The following PLCB2 variants were observed in gnomAD, a reference collection of about 807,000 sequenced individuals.
PLCB2 encodes the protein 1-phosphatidylinositol 4,5-bisphosphate phosphodiesterase beta-2.
In PLCB2, 115 loss-of-function variants were observed where a neutral mutation model predicts 141.7. The observed-to-expected ratio is 0.81, with a 90% CI of 0.70 to 0.95. PLCB2 has a LOEUF of 0.95. Ranked by LOEUF, PLCB2 falls within the 40% of genes least tolerant of loss-of-function variation. The probability of loss-of-function intolerance (pLI) is 0.00; values close to 1 mark genes in which losing one functional copy is unlikely to be tolerated. For synonymous variants in PLCB2, 603 were observed against 595.6 expected (o/e 1.01, Z -0.18); for missense variants, 1,403 against 1,541.1 (o/e 0.91, Z 1.50).
At chr15:40,299,328 G>A (rs900078583) in intron 7 of PLCB2, 100 bp from the exon 8 acceptor site, 19 of 757,636 alleles carry the variant, frequency 2.5e-5, no homozygotes, top group Admixed American at 4.3e-5. Context: ...GTCAGAAGGC[G>A]GGCTCAAGGC....
At chr15:40,289,107 C>T (rs999591855) in intron 31 of PLCB2, 165 bp downstream of exon 31, 10 of 1,015,842 alleles carry the variant, frequency 9.8e-6, no homozygotes, top group East Asian at 5.1e-5. Flanking sequence ...CCTAACCAGG[C>T]GGAGATCTGC....
In PLCB2 at chr15:40,292,388, C is replaced by G. The variant is rs779878465; in HGVS notation, c.2382G>C (p.Ala794=). 1.3e-5 allele frequency: 21 copies of G among 1,613,764 alleles called. No homozygotes were observed. Among genetic ancestry groups the G allele is most frequent in the Non-Finnish European group, 1.5e-5 (18 of 1,179,878 alleles). ...SESNMPLTMP[A]LFIFLEMKDY... ...CCTTCATCTCCAGGAAGATGAAGAG[C>G]GCAGGCATGGTGAGGGGCATGTTGC... Residue 794 remains alanine, a synonymous_variant, in exon 22 of 32, where the codon GCG becomes GCC. Transcript: ENST00000260402.
intron 7 of PLCB2, 65 bp from the exon 8 acceptor site, chr15:40,299,293 GC>G: frequency 9.0e-7 from 1 of 1,117,140 alleles, no homozygotes; most frequent in Non-Finnish European, 1.4e-6. Flanking sequence ...CACAAACTCG[GC>G]CCAGCCCTGG....
rs142931657 is a variant in PLCB2, at chr15:40,299,170, C to G, written c.641G>C (p.Ser214Thr). The change falls in exon 8 of 32, where the codon AGC becomes ACC. Residue 214 changes from serine to threonine, a missense_variant. Ser to Thr is a moderately conservative substitution (Grantham distance 58). Around this residue, in one of 4 missense-constraint regions of PLCB2, gnomAD observed 975 missense variants for 1,141.1 expected, o/e 0.85. Coordinates refer to ENST00000260402, the MANE Select transcript of PLCB2 (RefSeq NM_004573.3). ...PEPVYKSFLM[S>T]LCPRPEIDEI... ...ATCTATTTCTGGCCGAGGACAGAGGCTCATGAGGAAACTCTTGTAGACAGG... is the reference window on the plus strand; with the variant it reads ...ATCTATTTCTGGCCGAGGACAGAGGGTCATGAGGAAACTCTTGTAGACAGG... 5 of 1,613,964 alleles carry G rather than the reference C, an allele frequency of 3.1e-6. No individual in the cohort carries two copies. Among genetic ancestry groups the G allele is most frequent in the Non-Finnish European group, 4.2e-6 (5 of 1,179,814 alleles).
At chr15:40,284,835 TCAAAAAAAA>T (rs1202977206), downstream of PLCB2, among the ~76,000 whole-genome samples, 15 of 6,940 alleles carry the variant, frequency 2.2e-3, no homozygotes, top group Admixed American at 4.4e-3. Flanking sequence ...TGAGACTCCG[TCAAAAAAAA>T]AAAAAAAAAA....
chr15:40,301,531 T>C, intron 7 of PLCB2: 3 of 702,940 alleles, frequency 4.3e-6, no homozygotes, highest in Non-Finnish European at 7.8e-6. Flanking sequence ...GTTCAGTTCC[T>C]CTCCCTCGAC....
At position 40,306,910 on chromosome 15, in the gene PLCB2, G is replaced by A. The variant is rs554008291; in HGVS notation, c.84+679C>T. 2.0e-5 allele frequency among the ~76,000 whole-genome samples: 3 copies of A among 152,362 alleles called. No homozygotes were observed. The East Asian group carries it at 5.8e-4, about 29-fold the overall frequency. ...CAGGGGCCAGGAGAACCAGAGCCTG[G>A]GAGCAGCCCCGTGTAGGAAGGAACA... On this transcript the variant is annotated intron_variant, in intron 1 of 31. Coordinates refer to ENST00000260402, the MANE Select transcript of PLCB2 (RefSeq NM_004573.3).
In PLCB2 at chr15:40,291,942, G is replaced by A; in HGVS notation, c.2527-18C>T. On this transcript the variant is annotated intron_variant, in intron 23 of 31. Coordinates refer to ENST00000260402, the MANE Select transcript of PLCB2 (RefSeq NM_004573.3). Reference sequence around the variant, plus strand: ...AAGGGCTTCTGTGTAGGGAGAGCAGGTCAGGAAGGTGGCTTGACAGCCCTC... The same window carrying A: ...AAGGGCTTCTGTGTAGGGAGAGCAGATCAGGAAGGTGGCTTGACAGCCCTC... The A allele has an allele frequency of 2.5e-6, 4 of 1,613,636 alleles. No individual in the cohort carries two copies. Among genetic ancestry groups the A allele is most frequent in the Non-Finnish European group, 2.5e-6 (3 of 1,179,594 alleles).
chr15:40,307,003 C>G (rs932517940), intron 1 of PLCB2, among the ~76,000 whole-genome samples: 3 of 152,238 alleles, frequency 2.0e-5, no homozygotes, highest in South Asian at 2.1e-4. Context: ...AGGCCTGCAT[C>G]GGGGAGCAAT....
At chr15:40,294,897 A>C (rs944862628) in intron 18 of PLCB2, 39 bp downstream of exon 18, 1 of 1,613,576 alleles carries the variant, frequency 6.2e-7, no homozygotes, top group Non-Finnish European at 8.5e-7. Context: ...GGGCGCAGGG[A>C]CCAGGGAAGG....
intron 31 of PLCB2, 55 bp from the exon 32 acceptor site, chr15:40,288,973 T>G: frequency 3.1e-6 from 5 of 1,594,488 alleles, no homozygotes; most frequent in Non-Finnish European, 4.3e-6. Context: ...CTGGCCACCC[T>G]CGCTCCCTGG....
At position 40,303,990 on chromosome 15, in the gene PLCB2, G is replaced by A. The variant is rs1166481093; in HGVS notation, c.162+11C>T. 2 of 1,558,640 alleles carry A rather than the reference G, an allele frequency of 1.3e-6. No homozygotes were observed. The highest frequency in any genetic ancestry group is 1.3e-5 in the African/African-American group (1 of 74,086). On this transcript the variant is annotated intron_variant, in intron 2 of 31. Transcript: ENST00000260402. ...GGAGTCCAGGGCCATGGCACACAAG[G>A]GTTTTCTCACCTTACTTTGATACGT...
chr15:40,291,767 T>C (rs1405464557), intron 24 of PLCB2, 82 bp downstream of exon 24: 3 of 1,607,492 alleles, frequency 1.9e-6, no homozygotes, highest in Non-Finnish European at 2.5e-6. Flanking sequence ...GCACTTTCCC[T>C]AGGTGAAATT....
Position 40,288,457 on chromosome 15 carries a change from C to T in PLCB2, c.*258G>A. 1.6e-6 allele frequency: 2 copies of T among 1,243,886 alleles called. No homozygotes were observed. The highest frequency in any genetic ancestry group is 3.7e-5 in the Admixed American group (1 of 27,040). 77.1% of individuals were successfully genotyped at this position (1,243,886 alleles called of 1,614,324 possible). ...TCTTTTGCCCTCAACAAATATATGA[C>T]ACTTATCTAGAGATGGAGGGGGAGG... is the stretch of plus-strand genomic sequence containing the variant. On this transcript the variant is annotated 3_prime_UTR_variant, in exon 32 of 32. Transcript: ENST00000260402.
intron 29 of PLCB2, 119 bp from the exon 30 acceptor site, chr15:40,290,201 G>C: frequency 2.7e-6 from 2 of 739,590 alleles, no homozygotes; most frequent in Non-Finnish European, 2.5e-6. Context: ...GAACCAGCTG[G>C]GGGCAGGTGT....
chr15:40,298,403 G>C (rs757330138), intron 10 of PLCB2, 23 bp from the exon 11 acceptor site: 114 of 1,575,598 alleles, frequency 7.2e-5, no homozygotes, highest in Non-Finnish European at 9.2e-5. Context: ...ATGGGGAAGA[G>C]GTGAGGGCAT....
chr15:40,288,125 G>A lies in PLCB2; in HGVS notation c.*590C>T. ...TGCCCCTTGTGACTCAGCCAAGCAG[G>A]GCCAAGGCAGCTTTTCCATTTCAGC... On this transcript the variant is annotated 3_prime_UTR_variant, in exon 32 of 32. Transcript: ENST00000260402. 1 of 985,530 alleles carries A rather than the reference G, an allele frequency of 1.0e-6. No individual in the cohort carries two copies. The highest frequency in any genetic ancestry group is 1.2e-6 in the Non-Finnish European group (1 of 829,996). 61.0% of individuals were successfully genotyped at this position (985,530 alleles called of 1,614,324 possible).
chr15:40,284,388 A>T, downstream of PLCB2: 1 of 391,260 alleles, frequency 2.6e-6, no homozygotes, highest in Non-Finnish European at 5.2e-6. Context: ...ACTGGGACTT[A>T]AAAAATGGAC....
intron 7 of PLCB2, 160 bp downstream of exon 7, chr15:40,301,797 C>A: frequency 1.4e-6 from 1 of 714,226 alleles, no homozygotes; most frequent in Non-Finnish European, 2.5e-6. Context: ...ACCCCTGTGC[C>A]TAGTGTCAGT....
Sources: gnomAD v4.1 joint callset for allele counts (sites outside exome capture counted in the v4.1 genomes callset) on GRCh38, gnomAD v4.1.1 for gene constraint, gnomAD v4.1.1 regional missense constraint, MANE v1.5 for transcripts, NCBI Gene and HGNC (gene_info 2026-07-23, HGNC 2026-07-21) for gene names.